The following ADAM32 variants were observed in gnomAD, a reference collection of about 807,000 sequenced individuals.
ADAM32 encodes ADAM metallopeptidase domain 32, also known as disintegrin and metalloproteinase domain-containing protein 32.
ADAM32 carries 89 observed loss-of-function variants against 114.9 expected under a neutral mutation model. The observed-to-expected ratio is 0.77, with a 90% CI of 0.65 to 0.92. The LOEUF (loss-of-function observed/expected upper bound fraction) is 0.92. Among genes scored for constraint, ADAM32 ranks in the 40% least tolerant of loss-of-function variants. The probability of loss-of-function intolerance (pLI) is 0.00; values close to 1 mark genes in which losing one functional copy is unlikely to be tolerated. For synonymous variants in ADAM32, 285 were observed against 307.5 expected, an observed-to-expected ratio of 0.93 and a Z score of 0.77; for missense variants, 870 against 932.8, an observed-to-expected ratio of 0.93 and a Z score of 0.88.
At chr8:39,187,731 ATGTT>A (rs1806343091) in intron 11 of ADAM32, among the ~76,000 whole-genome samples, 1 of 152,100 alleles carries the variant, frequency 6.6e-6, no homozygotes, top group East Asian at 1.9e-4. Context: ...ATATATATAT[ATGTT>A]TGTGTGACTT....
chr8:39,110,474 G>A (rs1253543695), intron 1 of ADAM32, among the ~76,000 whole-genome samples: 1 of 151,490 alleles, frequency 6.6e-6, no homozygotes, highest in East Asian at 2.0e-4. Context: ...TCTAAGCTTT[G>A]GCAGTTATGA....
At chr8:39,262,587 G>T (rs1488072730) in intron 19 of ADAM32, among the ~76,000 whole-genome samples, 1 of 151,734 alleles carries the variant, frequency 6.6e-6, no homozygotes, top group African/African-American at 2.4e-5. Flanking sequence ...TATTTGATAT[G>T]TTCAGATGTT....
chr8:39,177,859 A>G (rs1805623989), intron 10 of ADAM32, among the ~76,000 whole-genome samples: 1 of 152,158 alleles, frequency 6.6e-6, no homozygotes, highest in African/African-American at 2.4e-5. Context: ...CTGGCTTGCA[A>G]GGTTCCACTG....
At chr8:39,180,983 G>T (rs1377685781) in intron 10 of ADAM32, among the ~76,000 whole-genome samples, 4 of 152,186 alleles carry the variant, frequency 2.6e-5, no homozygotes, top group African/African-American at 9.6e-5. Flanking sequence ...GGGAGGTGGA[G>T]AACCTTTGTA....
rs562241437 is a variant in ADAM32 at position 39,165,178 on chromosome 8, A to T, written c.815A>T (p.Asp272Val). 1 of 1,568,076 alleles carries T rather than the reference A, an allele frequency of 6.4e-7. No individual in the cohort carries two copies. Among genetic ancestry groups the T allele is most frequent in the Non-Finnish European group, 8.7e-7 (1 of 1,154,310 alleles). Residue 272 changes from aspartate (D) to valine (V), a missense_variant, in exon 9 of 25, where the codon GAT (aspartate) becomes GTT (valine). By Grantham distance (152) the Asp-to-Val change is radical. Coordinates refer to ENST00000379907, the MANE Select transcript of ADAM32 (RefSeq NM_145004.7). ...KQSYLNLRPH[D>V]IAYLLIYMDY... ...TCTTATCTTAACCTAAGGCCTCATG[A>T]TATTGCATATCTACTAATGTAAGAA...
chr8:39,107,864 G>A (rs1382337014), intron 1 of ADAM32, 31 bp downstream of exon 1: 1 of 1,508,782 alleles, frequency 6.6e-7, no homozygotes, highest in Admixed American at 2.2e-5. Context: ...ACACTAGTCC[G>A]GGCGCTCGTC....
In ADAM32 at chr8:39,204,717, T is replaced by G. The variant is rs529603379; in HGVS notation, c.1053-6427T>G. On this transcript the variant is annotated intron_variant, in intron 11 of 24. Transcript: ENST00000379907. ...GGTAGAGGCACTCTGATTTTTAGAA[T>G]TTTCAGCTTTTCTGCTCTGTTTTAT... 1.1e-3 allele frequency among the ~76,000 whole-genome samples: 169 copies of G among 152,356 alleles called. 3 individuals carry two copies. In the South Asian group the frequency reaches 0.034, roughly 31 times the overall value.
In ADAM32 at chr8:39,284,378, TACAC is replaced by T. The variant is rs367964426; in HGVS notation, c.2358-396_2358-393del. 8.7e-4 allele frequency among the ~76,000 whole-genome samples: 123 copies of T among 142,090 alleles called. 2 individuals carry two copies. The South Asian group carries it at 0.011, about 13-fold the overall frequency. The allele number at this position is 142,090 out of a possible 152,430, so 93.2% of individuals were successfully genotyped here. On this transcript the variant is annotated intron_variant, in intron 24 of 24. Transcript: ENST00000379907. Reference sequence around the variant, plus strand: ...ACTGTTATACACACACACACACACGTACACACACACACACACACACACGTACACA... The same window carrying T: ...ACTGTTATACACACACACACACACGTACACACACACACACACACGTACACA...
chr8:39,270,970 A>G, intron 20 of ADAM32, 56 bp downstream of exon 20: 4 of 1,502,926 alleles, frequency 2.7e-6, no homozygotes, highest in Non-Finnish European at 2.7e-6. Flanking sequence ...GAGTTAATTG[A>G]TAATTCACAA....
chr8:39,274,222 T>A, intron 20 of ADAM32, 90 bp from the exon 21 acceptor site: 1 of 1,196,746 alleles, frequency 8.4e-7, no homozygotes, highest in Non-Finnish European at 1.2e-6. Context: ...AAAGAGATAA[T>A]ACTAATTATA....
chr8:39,217,128 A>G (rs1808628605), intron 12 of ADAM32, among the ~76,000 whole-genome samples: 1 of 150,886 alleles, frequency 6.6e-6, no homozygotes, highest in African/African-American at 2.4e-5. Flanking sequence ...TTTTTTTACC[A>G]GATATGCTAT....
chr8:39,208,213 T>C (rs1807974175), intron 11 of ADAM32, among the ~76,000 whole-genome samples: 4 of 152,190 alleles, frequency 2.6e-5, no homozygotes, highest in Admixed American at 1.3e-4. Context: ...GCCTTTATCC[T>C]CATCTTTTAT....
intron 17 of ADAM32, among the ~76,000 whole-genome samples, chr8:39,250,211 T>C (rs1811199687): frequency 1.3e-5 from 2 of 152,070 alleles, no homozygotes; most frequent in African/African-American, 4.8e-5. Context: ...ATTACATGTA[T>C]GTTATACATT....
chr8:39,144,394 G>A (rs780257901), intron 3 of ADAM32, among the ~76,000 whole-genome samples: 45 of 152,334 alleles, frequency 3.0e-4, no homozygotes, highest in Non-Finnish European at 5.9e-4. Flanking sequence ...AAATGCTGAT[G>A]TGGCAGAAAA....
intron 2 of ADAM32, 123 bp downstream of exon 2, chr8:39,118,288 G>T (rs1490525932): frequency 4.0e-6 from 2 of 502,804 alleles, no homozygotes; most frequent in Non-Finnish European, 6.4e-6. Flanking sequence ...TCTACTGATA[G>T]GAATTAAAAG....
chr8:39,257,133 A>G, intron 18 of ADAM32, 54 bp from the exon 19 acceptor site: 1 of 1,451,678 alleles, frequency 6.9e-7, no homozygotes, highest in Non-Finnish European at 9.1e-7. Context: ...ACTTGAAAGT[A>G]AAAGTAGATA....
chr8:39,167,298 G>A (rs531078148), intron 9 of ADAM32: 1 of 152,256 alleles, frequency 6.6e-6, no homozygotes, highest in Admixed American at 6.5e-5. Context: ...GTTGAATAGG[G>A]TGTCCTCTCC....
chr8:39,140,832 C>G (rs941037715), intron 3 of ADAM32, among the ~76,000 whole-genome samples: 4 of 152,132 alleles, frequency 2.6e-5, no homozygotes, highest in Admixed American at 1.3e-4. Context: ...ATTTCAGAAC[C>G]TGTTATTGGT....
chr8:39,261,969 A>G (rs1812057742), intron 19 of ADAM32, among the ~76,000 whole-genome samples: 2 of 152,118 alleles, frequency 1.3e-5, no homozygotes, highest in Admixed American at 6.6e-5. Flanking sequence ...GTTTTCAAAT[A>G]TATTCTCATA....
Sources: gnomAD v4.1 joint callset for allele counts (sites outside exome capture counted in the v4.1 genomes callset) on GRCh38, gnomAD v4.1.1 for gene constraint, MANE v1.5 for transcripts, NCBI Gene and HGNC (gene_info 2026-07-23, HGNC 2026-07-21) for gene names.